FHOD3: variants seen among roughly 807,000 people sequenced by gnomAD.
The protein encoded by FHOD3 is formin homology 2 domain containing 3, also known as FH1/FH2 domain-containing protein 3.
In FHOD3, 90 loss-of-function variants were observed where a neutral mutation model predicts 173.0. The ratio of observed to expected loss-of-function variants is 0.52; its 90% CI spans 0.44 to 0.62. The LOEUF (loss-of-function observed/expected upper bound fraction) is 0.62. Among genes scored for constraint, FHOD3 ranks in the 20% least tolerant of loss-of-function variants. FHOD3 has a pLI of 0.00. For synonymous variants in FHOD3, 828 were observed against 823.0 expected (o/e 1.01, Z -0.10); for missense variants, 1,945 against 2,034.7 (o/e 0.96, Z 0.85).
intron 12 of FHOD3, 36 bp from the exon 13 acceptor site, chr18:36,653,306 T>C (rs2036191922): frequency 6.8e-7 from 1 of 1,462,068 alleles, no homozygotes; most frequent in Non-Finnish European, 9.2e-7. Flanking sequence ...TATCTTTCCG[T>C]GCCACATTGT....
At chr18:36,565,946 T>C (rs1489703038) in intron 5 of FHOD3, among the ~76,000 whole-genome samples, 11 of 152,224 alleles carry the variant, frequency 7.2e-5, no homozygotes, top group Non-Finnish European at 1.2e-4. Context: ...TCTATAGTTA[T>C]AATAATGCTT....
At chr18:36,554,903 T>A (rs906583467) in intron 5 of FHOD3, among the ~76,000 whole-genome samples, 38 of 152,220 alleles carry the variant, frequency 2.5e-4, no homozygotes, top group African/African-American at 8.9e-4. Context: ...CTGCAGAATC[T>A]GTAGTTGTAA....
At chr18:36,567,635 A>G (rs947136459) in intron 5 of FHOD3, among the ~76,000 whole-genome samples, 1 of 152,230 alleles carries the variant, frequency 6.6e-6, no homozygotes, top group Non-Finnish European at 1.5e-5. Context: ...GGGGAAGAAG[A>G]CTAGAACTTA....
chr18:36,482,826 C>A (rs979391006), intron 3 of FHOD3, among the ~76,000 whole-genome samples: 4 of 73,378 alleles, frequency 5.5e-5, no homozygotes, highest in African/African-American at 2.0e-4. Flanking sequence ...TGAACAAACA[C>A]ACACACACAC....
intron 3 of FHOD3, among the ~76,000 whole-genome samples, chr18:36,437,015 A>G (rs1300650439): frequency 6.6e-6 from 1 of 152,240 alleles, no homozygotes; most frequent in Non-Finnish European, 1.5e-5. Context: ...TAAAATAGAT[A>G]AGTTAACAAG....
chr18:36,535,833 C>T (rs1348783535), intron 5 of FHOD3, among the ~76,000 whole-genome samples: 1 of 152,058 alleles, frequency 6.6e-6, no homozygotes, highest in African/African-American at 2.4e-5. Context: ...GCAAACTTTT[C>T]CTGTAGAGAG....
chr18:36,367,405 T>C (rs962855699), intron 2 of FHOD3, among the ~76,000 whole-genome samples: 2 of 152,116 alleles, frequency 1.3e-5, no homozygotes, highest in African/African-American at 4.8e-5. Flanking sequence ...GCAGTGGCTG[T>C]GCTGATAGGA....
chr18:36,732,835 A>G (rs1001571797), intron 20 of FHOD3, among the ~76,000 whole-genome samples: 1 of 152,144 alleles, frequency 6.6e-6, no homozygotes, highest in Admixed American at 6.5e-5. Flanking sequence ...TGGATGTACC[A>G]AGTGCAAAGC....
rs142266190 is a variant in FHOD3 at position 36,344,772 on chromosome 18, T to G, written c.166-10767T>G. Among the ~76,000 whole-genome samples the G allele has an allele frequency of 3.0e-4, 45 of 152,270 alleles. 1 individual carries two copies. Among genetic ancestry groups the G allele is most frequent in the African/African-American group, 1.1e-3 (44 of 41,576 alleles). On this transcript the variant is annotated intron_variant, in intron 1 of 28. Coordinates refer to ENST00000590592, the MANE Select transcript of FHOD3 (RefSeq NM_001281740.3). ...AAATTATCAGATTAGATTAAAAAAC[T>G]ATATTCCACTTATAAGAGATACATC...
At chr18:36,334,715 C>T (rs573452137) in intron 1 of FHOD3, among the ~76,000 whole-genome samples, 14 of 152,268 alleles carry the variant, frequency 9.2e-5, no homozygotes, top group African/African-American at 3.4e-4. Context: ...ATGTAGCTCT[C>T]ATTCCTGGCC....
chr18:36,569,823 A>G, intron 5 of FHOD3, among the ~76,000 whole-genome samples: 1 of 152,144 alleles, frequency 6.6e-6, no homozygotes, highest in East Asian at 1.9e-4. Flanking sequence ...CTTCTAAATA[A>G]TCCATGTGTT....
chr18:36,315,750 C>T (rs1339980661), intron 1 of FHOD3, among the ~76,000 whole-genome samples: 1 of 152,126 alleles, frequency 6.6e-6, no homozygotes, highest in Non-Finnish European at 1.5e-5. Context: ...GAGAGGACCC[C>T]AGATCTGCGA....
chr18:36,592,437 AC>A (rs2059253926), intron 6 of FHOD3, among the ~76,000 whole-genome samples: 1 of 152,208 alleles, frequency 6.6e-6, no homozygotes, highest in African/African-American at 2.4e-5. Flanking sequence ...CGCTCACACA[AC>A]TGTAGAGCTT....
intron 3 of FHOD3, among the ~76,000 whole-genome samples, chr18:36,465,102 C>T (rs1702172020): frequency 6.6e-6 from 1 of 152,120 alleles, no homozygotes; most frequent in South Asian, 2.1e-4. Context: ...CTGAGGAGGG[C>T]GGATCACTTC....
chr18:36,500,408 T>C (rs1228060979), intron 3 of FHOD3, among the ~76,000 whole-genome samples: 1 of 152,226 alleles, frequency 6.6e-6, no homozygotes, highest in Non-Finnish European at 1.5e-5. Flanking sequence ...CAAACTCTTC[T>C]GGGGCCATTT....
intron 10 of FHOD3, among the ~76,000 whole-genome samples, chr18:36,648,982 G>A (rs945148756): frequency 6.6e-6 from 1 of 152,188 alleles, no homozygotes; most frequent in African/African-American, 2.4e-5. Flanking sequence ...CACAGAGGAG[G>A]TCTGCCCATG....
intron 17 of FHOD3, 67 bp downstream of exon 17, chr18:36,693,490 G>A: frequency 2.1e-6 from 3 of 1,409,560 alleles, no homozygotes; most frequent in Non-Finnish European, 2.0e-6. Context: ...CAGGGCAGTA[G>A]TGATGATTTC....
At chr18:36,558,812 C>T (rs539417037) in intron 5 of FHOD3, among the ~76,000 whole-genome samples, 112 of 152,298 alleles carry the variant, frequency 7.4e-4, no homozygotes, top group African/African-American at 2.6e-3. Context: ...GGTGTGTCAT[C>T]ATTGGAACTT....
chr18:36,470,127 T>C (rs2053193387), intron 3 of FHOD3, among the ~76,000 whole-genome samples: 1 of 152,178 alleles, frequency 6.6e-6, no homozygotes, highest in Admixed American at 6.5e-5. Flanking sequence ...TGGGCTGCCT[T>C]GTCCTCTGGA....
Sources: allele counts gnomAD v4.1 joint callset (sites outside exome capture counted in the v4.1 genomes callset), GRCh38; gene constraint gnomAD v4.1.1; transcripts MANE v1.5; gene names NCBI Gene and HGNC (gene_info 2026-07-23, HGNC 2026-07-21).